The following DEFB124 variants were observed in gnomAD, a reference collection of about 807,000 sequenced individuals.
DEFB124 encodes the protein beta-defensin 124.
For missense variants in DEFB124, 78 were observed against 83.1 expected (o/e 0.94, Z 0.24); for synonymous variants, 38 against 36.5 (o/e 1.04, Z -0.15).
In DEFB124 at chr20:31,473,455, C is replaced by G. The variant is rs533589297; in HGVS notation, c.-25-417G>C. Among the ~76,000 whole-genome samples the G allele has an allele frequency of 2.0e-5, 3 of 152,200 alleles. No homozygotes were observed. The East Asian group carries it at 5.8e-4, about 29-fold the overall frequency. On this transcript the variant is annotated intron_variant, in intron 1 of 2. Transcript: ENST00000317676. ...ATGATGACAAGCATCCCTTACAAGGCCAAGTGAACAGCATGTATGCAGGCC... is the reference window on the plus strand; with the variant it reads ...ATGATGACAAGCATCCCTTACAAGGGCAAGTGAACAGCATGTATGCAGGCC...
In DEFB124 at chr20:31,465,490, G is replaced by A. The variant is rs1247964088; in HGVS notation, c.*16C>T. ...GACAACTGGCAACCTGTGTTTTATT[G>A]GACAGCAGGAACCAGCTACTCATAT... is the stretch of plus-strand genomic sequence containing the variant. On this transcript the variant is annotated 3_prime_UTR_variant, in exon 3 of 3. Transcript: ENST00000317676. 6.2e-7 allele frequency: 1 copy of A among 1,613,590 alleles called. No homozygotes were observed. Among genetic ancestry groups the A allele is most frequent in the South Asian group, 1.1e-5 (1 of 90,996 alleles).
At chr20:31,470,870 C>T (rs1264730039) in intron 2 of DEFB124, among the ~76,000 whole-genome samples, 19 of 125,844 alleles carry the variant, frequency 1.5e-4, no homozygotes, top group Admixed American at 3.8e-4. Context: ...GGCGGCTGGC[C>T]GGGCGGGGGG....
intron 2 of DEFB124, 88 bp from the exon 3 acceptor site, chr20:31,465,751 C>A: frequency 6.7e-7 from 1 of 1,487,280 alleles, no homozygotes. Flanking sequence ...GATTCACTAA[C>A]ACTGGTCACA....
At position 31,470,718 on chromosome 20, in the gene DEFB124, C is replaced by T. The variant is rs866815302; in HGVS notation, c.58+2238G>A. ...CTGGGCGGGGGGCTGACTCCCCCACCTCCCTCCCGGACGGGGTGGCTGGCC... is the reference window on the plus strand; with the variant it reads ...CTGGGCGGGGGGCTGACTCCCCCACTTCCCTCCCGGACGGGGTGGCTGGCC... On this transcript the variant is annotated intron_variant, in intron 2 of 2. Coordinates refer to ENST00000317676, the MANE Select transcript of DEFB124 (RefSeq NM_001037500.2). 8.0e-3 allele frequency among the ~76,000 whole-genome samples: 1,104 copies of T among 138,626 alleles called. 21 individuals carry two copies. The highest frequency in any genetic ancestry group is 0.029 in the African/African-American group (1,050 of 36,020). The allele number at this position is 138,626 out of a possible 152,430, so 90.9% of individuals were successfully genotyped here. A position where few individuals can be genotyped will look rare whatever the true frequency, so the allele number is the denominator to read the frequency against.
rs1183212146 is a variant in DEFB124, at chr20:31,465,601, GC to G, written c.120del (p.Arg40SerfsTer21). The G allele has an allele frequency of 1.2e-6, 2 of 1,614,080 alleles. No individual in the cohort carries two copies. The highest frequency in any genetic ancestry group is 4.5e-5 in the East Asian group (2 of 44,900). On this transcript the variant is annotated frameshift_variant, in exon 3 of 3. Transcript: ENST00000317676. LOFTEE classifies it low-confidence loss of function (END_TRUNC). Reference sequence around the variant, plus strand: ...GGGCACAGGTGCATGTAAGTTTCTTGCCTTGTGCAGTAAGTTTGGCAGGCCC... The same window carrying G: ...GGGCACAGGTGCATGTAAGTTTCTTGCTTGTGCAGTAAGTTTGGCAGGCCC... ...GQGACQTYCT[R>X]QETYMHLCPD...
At chr20:31,473,702 A>G (rs1980397508) in intron 1 of DEFB124, among the ~76,000 whole-genome samples, 1 of 152,198 alleles carries the variant, frequency 6.6e-6, no homozygotes, top group East Asian at 1.9e-4. Flanking sequence ...CAGGTCACAG[A>G]GCAGCCCATG....
intron 2 of DEFB124, among the ~76,000 whole-genome samples, chr20:31,471,221 G>A (rs1214591358): frequency 1.5e-5 from 2 of 137,154 alleles, no homozygotes; most frequent in African/African-American, 2.8e-5. Context: ...GGGGTGGCTA[G>A]CCAGGCAGAG....
intron 1 of DEFB124, among the ~76,000 whole-genome samples, chr20:31,474,021 G>A (rs2122460851): frequency 1.3e-5 from 2 of 152,300 alleles, no homozygotes; most frequent in South Asian, 4.1e-4. Flanking sequence ...AGAAGAGTAG[G>A]GCATGAGCCA....
At chr20:31,471,782 C>T (rs1296356329) in intron 2 of DEFB124, among the ~76,000 whole-genome samples, 1 of 146,720 alleles carries the variant, frequency 6.8e-6, no homozygotes, top group Admixed American at 6.7e-5. Context: ...GGGGCAGAGG[C>T]GCTCCCCACA....
rs546582688 is a variant in DEFB124 at position 31,466,486 on chromosome 20, G to C, written c.59-823C>G. Among the ~76,000 whole-genome samples, 381 of 151,966 alleles carry C rather than the reference G, an allele frequency of 2.5e-3. 1 individual carries two copies. The highest frequency in any genetic ancestry group is 4.1e-3 in the Non-Finnish European group (276 of 67,986). On this transcript the variant is annotated intron_variant, in intron 2 of 2. Coordinates refer to ENST00000317676, the MANE Select transcript of DEFB124 (RefSeq NM_001037500.2). Reference sequence around the variant, plus strand: ...CTGGTGGCGGGCACCTGTAATCCCAGCCACTCGGGGGGCTGAGACAGAAGA... The same window carrying C: ...CTGGTGGCGGGCACCTGTAATCCCACCCACTCGGGGGGCTGAGACAGAAGA...
chr20:31,468,568 C>G (rs915995051), intron 2 of DEFB124, among the ~76,000 whole-genome samples: 1 of 151,812 alleles, frequency 6.6e-6, no homozygotes, highest in Non-Finnish European at 1.5e-5. Flanking sequence ...CTCCGCCTCC[C>G]GGGTTCAACT....
intron 2 of DEFB124, among the ~76,000 whole-genome samples, chr20:31,469,976 A>T (rs1980188929): frequency 6.7e-6 from 1 of 149,318 alleles, no homozygotes; most frequent in African/African-American, 2.5e-5. Flanking sequence ...CACCTCCCAG[A>T]CGGGGTGGTG....
rs1324102771 is a variant in DEFB124 at position 31,473,059 on chromosome 20, A to C, written c.-25-21T>G. ...GGCTGCTGGAGAGAGCACAAGAGGA[A>C]AGACCCGAGCAGGCTGAGCCTCGCT... On this transcript the variant is annotated intron_variant, in intron 1 of 2. Coordinates refer to ENST00000317676, the MANE Select transcript of DEFB124 (RefSeq NM_001037500.2). 1.1e-5 allele frequency: 17 copies of C among 1,607,734 alleles called. No homozygotes were observed. In the Middle Eastern group the frequency reaches 5.2e-4, roughly 49 times the overall value.
Position 31,469,863 on chromosome 20 carries a change from C to A in DEFB124, c.58+3093G>T, listed in dbSNP as rs904769237. 1.4e-4 allele frequency among the ~76,000 whole-genome samples: 21 copies of A among 148,958 alleles called. 1 individual carries two copies. The highest frequency in any genetic ancestry group is 5.4e-4 in the African/African-American group (21 of 39,092). On this transcript the variant is annotated intron_variant, in intron 2 of 2. Transcript: ENST00000317676. ...ATGTCTATTTCTTTCTACACAGACA[C>A]GGCAACCATCCGATTTCTCAATCTT...
chr20:31,471,392 G>T lies in DEFB124; in HGVS notation c.58+1564C>A, dbSNP rs1420921230. Among the ~76,000 whole-genome samples the T allele has an allele frequency of 2.6e-5, 3 of 116,470 alleles. No homozygotes were observed. The South Asian group carries it at 9.1e-4, about 35-fold the overall frequency. The allele number at this position is 116,470 out of a possible 152,430, so 76.4% of individuals were successfully genotyped here. A position where few individuals can be genotyped will look rare whatever the true frequency, so the allele number is the denominator to read the frequency against. On this transcript the variant is annotated intron_variant, in intron 2 of 2. Transcript: ENST00000317676. ...CCCCCACCTCCCTCCCGGACGGGGC[G>T]GCTGGCCGGGCGGGGGGCTGACCCC...
chr20:31,471,130 G>A (rs562933337), intron 2 of DEFB124, among the ~76,000 whole-genome samples: 12 of 129,472 alleles, frequency 9.3e-5, no homozygotes, highest in African/African-American at 1.4e-4. Context: ...CTGGCCGGGC[G>A]GGGGGTTGAC....
intron 1 of DEFB124, 71 bp from the exon 2 acceptor site, chr20:31,473,109 C>T: frequency 7.1e-7 from 1 of 1,412,310 alleles, no homozygotes; most frequent in Non-Finnish European, 9.8e-7. Flanking sequence ...CTTTATTGAG[C>T]TGCAGATGAA....
chr20:31,471,250 T>A (rs1980283226), intron 2 of DEFB124, among the ~76,000 whole-genome samples: 3 of 106,402 alleles, frequency 2.8e-5, no homozygotes, highest in Admixed American at 2.0e-4. Flanking sequence ...CGCTTCCCAG[T>A]AGGGGCGGCT....
intron 2 of DEFB124, 60 bp downstream of exon 2, chr20:31,472,896 C>T (rs1600570718): frequency 1.9e-6 from 3 of 1,581,208 alleles, no homozygotes; most frequent in African/African-American, 1.4e-5. Flanking sequence ...GTCTAGTCCT[C>T]ATTTTTACAA....
Sources: gnomAD v4.1 joint callset for allele counts (sites outside exome capture counted in the v4.1 genomes callset) on GRCh38, gnomAD v4.1.1 for gene constraint, MANE v1.5 for transcripts, NCBI Gene and HGNC (gene_info 2026-07-23, HGNC 2026-07-21) for gene names.